The following SLC35F2 variants were observed in gnomAD, a reference collection of about 807,000 sequenced individuals.
The protein encoded by SLC35F2 is solute carrier family 35 member F2, also known as queuine/queuosine transporter SLC35F2.
SLC35F2 carries 25 observed loss-of-function variants against 38.1 expected under a neutral mutation model. The observed-to-expected ratio is 0.66, with a 90% confidence interval of 0.48 to 0.92. SLC35F2 has a LOEUF of 0.92. SLC35F2 is among the 40% of genes least tolerant of loss of function. The pLI is 0.00. For missense variants in SLC35F2, 409 were observed against 452.9 expected (o/e 0.90, Z 0.88); for synonymous variants, 173 against 181.7 (o/e 0.95, Z 0.38).
At chr11:107,823,938 AAAAAAG>A in intron 1 of SLC35F2, 1 of 947,278 alleles carries the variant, frequency 1.1e-6, no homozygotes, top group Non-Finnish European at 1.3e-6. Flanking sequence ...AAAAAAAAAA[AAAAAAG>A]AAAAAAGAAA....
At chr11:107,802,827 A>G (rs1859331905) in intron 7 of SLC35F2, among the ~76,000 whole-genome samples, 174 bp downstream of exon 7, 1 of 152,248 alleles carries the variant, frequency 6.6e-6, no homozygotes, top group African/African-American at 2.4e-5. Context: ...TAGAAGGACA[A>G]TTCTTACGTG....
intron 7 of SLC35F2, among the ~76,000 whole-genome samples, chr11:107,800,202 T>C (rs978714242): frequency 2.6e-5 from 4 of 151,966 alleles, no homozygotes; most frequent in Non-Finnish European, 5.9e-5. Context: ...TTTTTTTTAA[T>C]GATGTTACTA....
In SLC35F2 at chr11:107,815,778, C is replaced by G. The variant is rs372083254; in HGVS notation, c.286+12G>C. 6.4e-7 allele frequency: 1 copy of G among 1,572,180 alleles called. No individual in the cohort carries two copies. ...AATTTTGTTGAAAAGATAATTTCCA[C>G]ATTTGACATACCTGATCGAAATGCC... On this transcript the variant is annotated intron_variant, in intron 2 of 7. Coordinates refer to ENST00000525815, the MANE Select transcript of SLC35F2 (RefSeq NM_017515.5).
At chr11:107,810,553 C>A in intron 3 of SLC35F2, 1 of 985,314 alleles carries the variant, frequency 1.0e-6, no homozygotes, top group Non-Finnish European at 1.2e-6. Context: ...TAGTGATAAA[C>A]TTCATTCTCT....
intron 1 of SLC35F2, among the ~76,000 whole-genome samples, chr11:107,842,070 A>G (rs1252202322): frequency 6.6e-6 from 1 of 151,448 alleles, no homozygotes; most frequent in Non-Finnish European, 1.5e-5. Context: ...CGTCTCAAAA[A>G]AAAAGAAAAA....
intron 3 of SLC35F2, among the ~76,000 whole-genome samples, chr11:107,811,427 T>G (rs961538933): frequency 6.6e-5 from 10 of 152,228 alleles, no homozygotes; most frequent in Non-Finnish European, 1.2e-4. Flanking sequence ...TTATGCTTAT[T>G]TGGTAGGAAC....
intron 1 of SLC35F2, among the ~76,000 whole-genome samples, chr11:107,818,668 T>A (rs1345090732): frequency 1.3e-5 from 2 of 151,798 alleles, no homozygotes; most frequent in Non-Finnish European, 2.9e-5. Context: ...GATACATGAG[T>A]TCTTGTTCTT....
intron 1 of SLC35F2, among the ~76,000 whole-genome samples, chr11:107,820,275 T>TGGGAGAGAAAAGAAA (rs1859647433): frequency 7.0e-6 from 1 of 142,696 alleles, no homozygotes; most frequent in African/African-American, 2.6e-5. Context: ...AAAAAAAAAT[T>TGGGAGAGAAAAGAAA]GGGAGAGAGA....
intron 1 of SLC35F2, among the ~76,000 whole-genome samples, chr11:107,850,588 G>T (rs572848624): frequency 6.6e-6 from 1 of 152,016 alleles, no homozygotes; most frequent in Non-Finnish European, 1.5e-5. Flanking sequence ...TTGGGAGGCC[G>T]AGGCAGGTGG....
chr11:107,841,466 G>A (rs1019532426), intron 1 of SLC35F2, among the ~76,000 whole-genome samples: 1 of 151,126 alleles, frequency 6.6e-6, no homozygotes, highest in African/African-American at 2.4e-5. Flanking sequence ...AGGAGGCTGA[G>A]GCAGGATAAT....
chr11:107,808,394 A>T (rs1379281499), intron 3 of SLC35F2, among the ~76,000 whole-genome samples: 1 of 149,122 alleles, frequency 6.7e-6, no homozygotes, highest in East Asian at 1.9e-4. Context: ...TAAATTCACA[A>T]ATTTAATGTG....
intron 1 of SLC35F2, among the ~76,000 whole-genome samples, chr11:107,820,169 C>T (rs375520593): frequency 6.0e-5 from 9 of 150,178 alleles, no homozygotes; most frequent in East Asian, 1.9e-4. Flanking sequence ...GGAGGAAAAT[C>T]GCTTGAACCT....
At chr11:107,809,356 G>T (rs1281956084) in intron 3 of SLC35F2, among the ~76,000 whole-genome samples, 1 of 142,800 alleles carries the variant, frequency 7.0e-6, no homozygotes, top group Non-Finnish European at 1.5e-5. Context: ...AAAAAAATCA[G>T]CTGGGCGCAT....
At chr11:107,814,758 T>C (rs1212378507) in intron 2 of SLC35F2, among the ~76,000 whole-genome samples, 1 of 152,124 alleles carries the variant, frequency 6.6e-6, no homozygotes, top group East Asian at 1.9e-4. Context: ...AGTTCAGGAA[T>C]TCGAGACCAG....
intron 1 of SLC35F2, among the ~76,000 whole-genome samples, chr11:107,843,897 A>T (rs1591208158): frequency 1.8e-5 from 2 of 114,016 alleles, no homozygotes; most frequent in Admixed American, 9.3e-5. Context: ...ATATATATAT[A>T]TATATATATA....
intron 1 of SLC35F2, among the ~76,000 whole-genome samples, chr11:107,834,435 G>A (rs1419280069): frequency 6.6e-6 from 1 of 152,152 alleles, no homozygotes; most frequent in Non-Finnish European, 1.5e-5. Context: ...TGGATCACTT[G>A]AGGTCAGGAG....
intron 1 of SLC35F2, among the ~76,000 whole-genome samples, chr11:107,820,485 C>T (rs565529088): frequency 3.3e-5 from 5 of 152,060 alleles, no homozygotes; most frequent in Non-Finnish European, 7.4e-5. Flanking sequence ...ATTTCCTGGC[C>T]ATTAAACATC....
chr11:107,805,727 G>T, intron 4 of SLC35F2: 2 of 936,288 alleles, frequency 2.1e-6, no homozygotes, highest in Non-Finnish European at 2.5e-6. Flanking sequence ...GCTCAGGCTG[G>T]AGTGCAGTGG....
At chr11:107,822,317 G>A (rs565561847) in intron 1 of SLC35F2, among the ~76,000 whole-genome samples, 286 of 152,318 alleles carry the variant, frequency 1.9e-3, no homozygotes, top group Middle Eastern at 6.8e-3. Flanking sequence ...AACTTAAAAT[G>A]TATATCGTAA....
Sources: gnomAD v4.1 joint callset for allele counts (sites outside exome capture counted in the v4.1 genomes callset) on GRCh38, gnomAD v4.1.1 for gene constraint, MANE v1.5 for transcripts, NCBI Gene and HGNC (gene_info 2026-07-23, HGNC 2026-07-21) for gene names.